The following FGGY variants were observed in gnomAD, a reference collection of about 807,000 sequenced individuals.
FGGY encodes FGGY carbohydrate kinase domain containing, also known as FGGY carbohydrate kinase domain-containing protein.
A neutral mutation model predicts 71.3 loss-of-function variants in FGGY; 72 were observed. That is an observed-to-expected ratio of 1.01 (90% CI 0.84 to 1.23). FGGY has a LOEUF of 1.23. Among genes scored for constraint, FGGY ranks in the 50% most tolerant of loss-of-function variants. The pLI is 0.00. For missense variants in FGGY, 668 were observed against 682.3 expected (o/e 0.98, Z 0.23); for synonymous variants, 251 against 250.3 (o/e 1.00, Z -0.02).
chr1:59,626,501 C>T (rs1450557919), intron 10 of FGGY: 2 of 153,252 alleles, frequency 1.3e-5, no homozygotes, highest in African/African-American at 2.4e-5. Context: ...ACGATATACT[C>T]CCTTTCATGT....
intron 8 of FGGY, among the ~76,000 whole-genome samples, chr1:59,577,530 G>T (rs1381036510): frequency 6.6e-6 from 1 of 151,658 alleles, no homozygotes; most frequent in Non-Finnish European, 1.5e-5. Flanking sequence ...GGGTATAGTG[G>T]TAAACTTAAA....
chr1:59,644,198 C>T (rs886103390), intron 11 of FGGY, among the ~76,000 whole-genome samples: 7 of 152,114 alleles, frequency 4.6e-5, no homozygotes, highest in Non-Finnish European at 8.8e-5. Flanking sequence ...AATAGCCACT[C>T]GTGGTTTGAC....
At chr1:59,361,848 G>A (rs835438) in intron 4 of FGGY, among the ~76,000 whole-genome samples, 3,897 of 152,230 alleles carry the variant, frequency 0.026, 161 homozygotes, top group African/African-American at 0.089. Flanking sequence ...TAGACAGTGT[G>A]CCTGAGAATA....
In FGGY at chr1:59,468,745, G is replaced by A. The variant is rs137955332; in HGVS notation, c.670+11669G>A. ...AAATCAGCCAGGTGTGGTCGCGGGC[G>A]CCTGTAGTCCCAGCTACTTGGGAGG... On this transcript the variant is annotated intron_variant, in intron 6 of 15. Coordinates refer to ENST00000303721, the MANE Select transcript of FGGY (RefSeq NM_018291.5). Among the ~76,000 whole-genome samples the A allele has an allele frequency of 4.7e-3, 721 of 152,008 alleles. 3 individuals carry two copies. Among genetic ancestry groups the A allele is most frequent in the African/African-American group, 0.016 (668 of 41,420 alleles).
chr1:59,489,834 A>G (rs1360166483), intron 6 of FGGY, among the ~76,000 whole-genome samples: 2 of 152,096 alleles, frequency 1.3e-5, no homozygotes, highest in South Asian at 2.1e-4. Flanking sequence ...ATTCCCACCA[A>G]TAGTGTAAGA....
chr1:59,334,616 A>G (rs1468676949), intron 2 of FGGY, among the ~76,000 whole-genome samples: 1 of 152,186 alleles, frequency 6.6e-6, no homozygotes, highest in Non-Finnish European at 1.5e-5. Context: ...GACATTTCTC[A>G]TAATTATGTG....
intron 9 of FGGY, among the ~76,000 whole-genome samples, chr1:59,618,895 C>T (rs1284763374): frequency 6.6e-6 from 1 of 152,076 alleles, no homozygotes; most frequent in Non-Finnish European, 1.5e-5. Flanking sequence ...CATTTCACAT[C>T]CACTAATTAT....
At chr1:59,742,658 T>C (rs1159902903) in intron 14 of FGGY, among the ~76,000 whole-genome samples, 1 of 152,218 alleles carries the variant, frequency 6.6e-6, no homozygotes, top group African/African-American at 2.4e-5. Context: ...ACCCACCATC[T>C]CCACCTCTGC....
At chr1:59,638,097 C>A (rs994460261) in intron 10 of FGGY, 131 bp from the exon 11 acceptor site, 2 of 836,468 alleles carry the variant, frequency 2.4e-6, no homozygotes, top group African/African-American at 3.4e-5. Flanking sequence ...GTACAGTGGG[C>A]TAGCTTCTCT....
At chr1:59,318,054 T>A (rs771059220) in intron 1 of FGGY, among the ~76,000 whole-genome samples, 40 of 152,138 alleles carry the variant, frequency 2.6e-4, no homozygotes, top group Non-Finnish European at 4.3e-4. Context: ...CAGGAGGCAG[T>A]GGAGCATCCT....
intron 14 of FGGY, among the ~76,000 whole-genome samples, chr1:59,741,971 G>A (rs1332297982): frequency 2.7e-5 from 4 of 150,276 alleles, no homozygotes; most frequent in African/African-American, 7.3e-5. Flanking sequence ...AGTCACCGTG[G>A]TGCATACATG....
At chr1:59,757,293 T>C (rs2098300166) in intron 14 of FGGY, among the ~76,000 whole-genome samples, 1 of 152,172 alleles carries the variant, frequency 6.6e-6, no homozygotes, top group Non-Finnish European at 1.5e-5. Flanking sequence ...GCACCTACCA[T>C]ACCATGTCTA....
At chr1:59,571,403 T>A (rs1273691607) in intron 8 of FGGY, among the ~76,000 whole-genome samples, 2 of 152,140 alleles carry the variant, frequency 1.3e-5, no homozygotes, top group African/African-American at 4.8e-5. Flanking sequence ...TACAGTGTAG[T>A]GGAGGAGATG....
At chr1:59,306,276 A>G (rs2043427249) in intron 1 of FGGY, among the ~76,000 whole-genome samples, 1 of 152,204 alleles carries the variant, frequency 6.6e-6, no homozygotes, top group Non-Finnish European at 1.5e-5. Context: ...TTTTTGAGGT[A>G]CTCAGATACC....
At chr1:59,690,090 T>C (rs2097577500) in intron 14 of FGGY, among the ~76,000 whole-genome samples, 1 of 152,190 alleles carries the variant, frequency 6.6e-6, no homozygotes, top group Admixed American at 6.5e-5. Flanking sequence ...CTACAGAGGC[T>C]GGAGGAGAAA....
intron 8 of FGGY, among the ~76,000 whole-genome samples, chr1:59,567,615 A>G (rs1408747687): frequency 6.6e-6 from 1 of 151,892 alleles, no homozygotes; most frequent in Non-Finnish European, 1.5e-5. Flanking sequence ...TGTATTTGCT[A>G]TGATCTTGGA....
chr1:59,510,830 T>TG (rs1378691626), intron 6 of FGGY, among the ~76,000 whole-genome samples: 1 of 152,236 alleles, frequency 6.6e-6, no homozygotes, highest in East Asian at 1.9e-4. Context: ...AGATTTTTGT[T>TG]GGAAATACTT....
At chr1:59,387,829 T>A (rs371236457) in intron 5 of FGGY, among the ~76,000 whole-genome samples, 5 of 152,320 alleles carry the variant, frequency 3.3e-5, no homozygotes, top group African/African-American at 1.2e-4. Context: ...CAGCCAATAC[T>A]AACAACATTT....
chr1:59,611,525 T>A (rs113594424), intron 9 of FGGY, among the ~76,000 whole-genome samples: 2 of 151,890 alleles, frequency 1.3e-5, no homozygotes, highest in African/African-American at 4.8e-5. Context: ...AGACCAAAGG[T>A]AGATAAAACC....
Sources: allele counts gnomAD v4.1 joint callset (sites outside exome capture counted in the v4.1 genomes callset), GRCh38; gene constraint gnomAD v4.1.1; transcripts MANE v1.5; gene names NCBI Gene and HGNC (gene_info 2026-07-23, HGNC 2026-07-21).